LIN28B: variants seen among roughly 807,000 people sequenced by gnomAD.
LIN28B encodes the protein lin-28 RNA binding posttranscriptional regulator B.
LIN28B carries 5 observed loss-of-function variants against 21.9 expected under a neutral mutation model. The observed-to-expected ratio is 0.23, with a 90% CI of 0.12 to 0.48. LIN28B has a LOEUF of 0.48. Among genes scored for constraint, LIN28B ranks in the 20% least tolerant of loss-of-function variants. The probability of loss-of-function intolerance (pLI) is 0.98; values close to 1 mark genes in which losing one functional copy is unlikely to be tolerated. For synonymous variants in LIN28B, 109 were observed against 111.3 expected, an observed-to-expected ratio of 0.98 and a Z score of 0.13; for missense variants, 245 against 310.5, an observed-to-expected ratio of 0.79 and a Z score of 1.58.
chr6:105,070,881 A>G (rs1772321307), intron 3 of LIN28B, among the ~76,000 whole-genome samples: 1 of 151,938 alleles, frequency 6.6e-6, no homozygotes, highest in Non-Finnish European at 1.5e-5. Context: ...ACATTCATTC[A>G]TTCATTCATT....
chr6:105,032,010 A>G (rs1051922218), intron 3 of LIN28B, among the ~76,000 whole-genome samples: 1 of 152,160 alleles, frequency 6.6e-6, no homozygotes, highest in South Asian at 2.1e-4. Flanking sequence ...TGTGAATGAC[A>G]TGTAAGTGGA....
intron 2 of LIN28B, among the ~76,000 whole-genome samples, chr6:104,984,242 G>T (rs1274954285): frequency 6.6e-6 from 1 of 152,078 alleles, no homozygotes; most frequent in African/African-American, 2.4e-5. Context: ...TTAATAATTA[G>T]CTTTTTCTCC....
intron 3 of LIN28B, among the ~76,000 whole-genome samples, chr6:105,033,288 A>G (rs1371758961): frequency 3.3e-5 from 5 of 152,138 alleles, no homozygotes; most frequent in Non-Finnish European, 7.4e-5. Flanking sequence ...CATGGTATTA[A>G]TATGTTTAAC....
intron 2 of LIN28B, chr6:104,941,335 C>T (rs1778088297): frequency 6.6e-6 from 1 of 152,062 alleles, no homozygotes; most frequent in Non-Finnish European, 1.5e-5. Flanking sequence ...CTTTCTCTCC[C>T]CGCTCGGTGC....
chr6:105,014,990 TTTTAC>T lies in LIN28B; in HGVS notation c.199-11305_199-11301del, dbSNP rs1771000066. Reference sequence around the variant, plus strand: ...TTTTTATTTATCATTATGGTTTCTATTTTACTTCTCTTTTGATCAGAGAACAAATG... The same window carrying T: ...TTTTTATTTATCATTATGGTTTCTATTTCTCTTTTGATCAGAGAACAAATG... On this transcript the variant is annotated intron_variant, in intron 2 of 3. Coordinates refer to ENST00000345080, the MANE Select transcript of LIN28B (RefSeq NM_001004317.4). Among the ~76,000 whole-genome samples, 5 of 152,188 alleles carry T rather than the reference TTTTAC, an allele frequency of 3.3e-5. No individual in the cohort carries two copies. In the South Asian group the frequency reaches 1.0e-3, roughly 32 times the overall value.
chr6:105,041,977 G>A (rs1328554740), intron 3 of LIN28B, among the ~76,000 whole-genome samples: 3 of 152,138 alleles, frequency 2.0e-5, no homozygotes, highest in African/African-American at 7.2e-5. Flanking sequence ...CTGGATTTGA[G>A]TGCTCAATCC....
At chr6:105,025,509 C>T (rs570277922) in intron 2 of LIN28B, among the ~76,000 whole-genome samples, 1 of 152,200 alleles carries the variant, frequency 6.6e-6, no homozygotes, top group Admixed American at 6.5e-5. Flanking sequence ...AAAGCTCAAA[C>T]GACGCAGTAA....
chr6:105,058,634 C>A (rs542097661), intron 3 of LIN28B, among the ~76,000 whole-genome samples: 1 of 152,276 alleles, frequency 6.6e-6, no homozygotes, highest in South Asian at 2.1e-4. Context: ...CAAAGCAGTT[C>A]AAAGGATGCT....
At chr6:104,978,874 A>G (rs1156493783) in intron 2 of LIN28B, among the ~76,000 whole-genome samples, 4 of 152,144 alleles carry the variant, frequency 2.6e-5, no homozygotes, top group Non-Finnish European at 4.4e-5. Context: ...TCCACCCCCA[A>G]TATAAGGGGC....
At chr6:105,056,517 G>A (rs1283400654) in intron 3 of LIN28B, among the ~76,000 whole-genome samples, 2 of 152,028 alleles carry the variant, frequency 1.3e-5, no homozygotes, top group Admixed American at 6.6e-5. Context: ...TGTGTTTCTC[G>A]ATTTGAAATC....
rs186050416 is a variant in LIN28B at position 105,032,952 on chromosome 6, C to T, written c.383+6470C>T. Among the ~76,000 whole-genome samples the T allele has an allele frequency of 2.0e-5, 3 of 151,682 alleles. No homozygotes were observed. In the East Asian group the frequency reaches 5.8e-4, roughly 29 times the overall value. ...AACTCTTTGTGTAAGTTTTTTTTGCCAGATACATGATTTGTAGATATTTTC... is the reference window on the plus strand; with the variant it reads ...AACTCTTTGTGTAAGTTTTTTTTGCTAGATACATGATTTGTAGATATTTTC... On this transcript the variant is annotated intron_variant, in intron 3 of 3. Transcript: ENST00000345080.
At chr6:105,031,322 C>A (rs1005910245) in intron 3 of LIN28B, among the ~76,000 whole-genome samples, 1 of 151,950 alleles carries the variant, frequency 6.6e-6, no homozygotes, top group African/African-American at 2.4e-5. Context: ...TGAGTACTTT[C>A]TTACTGGTAT....
intron 2 of LIN28B, among the ~76,000 whole-genome samples, chr6:104,987,907 C>A (rs1770380875): frequency 6.6e-6 from 1 of 151,996 alleles, no homozygotes; most frequent in Admixed American, 6.6e-5. Context: ...CCACGCTTGG[C>A]TAATTTTTGT....
At chr6:105,019,518 G>C (rs1051285217) in intron 2 of LIN28B, among the ~76,000 whole-genome samples, 2 of 152,182 alleles carry the variant, frequency 1.3e-5, no homozygotes, top group Admixed American at 6.5e-5. Context: ...GGTAGGAATG[G>C]TATGTGAGAA....
intron 3 of LIN28B, among the ~76,000 whole-genome samples, chr6:105,053,220 T>A (rs980561250): frequency 2.6e-5 from 4 of 152,226 alleles, no homozygotes; most frequent in African/African-American, 7.2e-5. Flanking sequence ...ATTTCCACTT[T>A]GTGAAATTTA....
At chr6:104,967,783 A>G (rs564686718) in intron 2 of LIN28B, among the ~76,000 whole-genome samples, 40 of 152,054 alleles carry the variant, frequency 2.6e-4, no homozygotes, top group Admixed American at 9.8e-4. Flanking sequence ...GGCTCAAGCA[A>G]TTATCCAACC....
chr6:105,014,151 T>C (rs768984769), intron 2 of LIN28B, among the ~76,000 whole-genome samples: 2 of 152,094 alleles, frequency 1.3e-5, no homozygotes, highest in Non-Finnish European at 2.9e-5. Context: ...AACCTCTCTG[T>C]TTTATTATTT....
chr6:105,029,378 G>GATTTAAA (rs1771369861), intron 3 of LIN28B, among the ~76,000 whole-genome samples: 1 of 152,138 alleles, frequency 6.6e-6, no homozygotes, highest in Non-Finnish European at 1.5e-5. Flanking sequence ...ACAGTATTGG[G>GATTTAAA]ATTTAAAGCA....
intron 3 of LIN28B, among the ~76,000 whole-genome samples, chr6:105,044,619 A>G (rs1006216265): frequency 3.3e-5 from 5 of 152,226 alleles, no homozygotes; most frequent in Non-Finnish European, 4.4e-5. Flanking sequence ...TAGCCGATAA[A>G]CTACTTCATA....
Sources: gnomAD v4.1 joint callset for allele counts (sites outside exome capture counted in the v4.1 genomes callset) on GRCh38, gnomAD v4.1.1 for gene constraint, MANE v1.5 for transcripts, NCBI Gene and HGNC (gene_info 2026-07-23, HGNC 2026-07-21) for gene names.